Variants in JAKMIP1 observed in about 807,000 individuals in gnomAD.
JAKMIP1 encodes janus kinase and microtubule interacting protein 1.
In JAKMIP1, 33 loss-of-function variants were observed where a neutral mutation model predicts 113.0. The observed-to-expected ratio is 0.29, with a 90% confidence interval of 0.22 to 0.39. JAKMIP1 has a LOEUF of 0.39. Ranked by LOEUF, JAKMIP1 falls within the 10% of genes least tolerant of loss-of-function variation. The pLI is 1.00. For synonymous variants in JAKMIP1, 480 were observed against 459.9 expected (o/e 1.04, Z -0.56); for missense variants, 813 against 1,080.5 (o/e 0.75, Z 3.47).
Position 6,105,701 on chromosome 4 carries a change from C to T in JAKMIP1, c.396G>A (p.Leu132=). 6.2e-7 allele frequency: 1 copy of T among 1,603,620 alleles called. No homozygotes were observed. Among genetic ancestry groups the T allele is most frequent in the Non-Finnish European group, 8.5e-7 (1 of 1,178,108 alleles). The change falls in exon 3 of 21, where the codon CTG becomes CTA. Residue 132 remains leucine, a synonymous_variant. Transcript: ENST00000409021. ...GCGCCTCCTCGCGCGCCTCGGTCAG[C>T]AGCGCCGTCTTGACCTTGTCGGCCG... ...DGAADKVKTA[L]LTEAREEARR...
At chr4:6,119,319 G>A (rs996337316) in intron 1 of JAKMIP1, among the ~76,000 whole-genome samples, 2 of 151,900 alleles carry the variant, frequency 1.3e-5, no homozygotes, top group Admixed American at 6.6e-5. Context: ...CGAGGCAGGT[G>A]GATCACCTGA....
At position 6,155,916 on chromosome 4, in the gene JAKMIP1, G is replaced by A. The variant is rs1413930393; in HGVS notation, c.-147-42919C>T. The stretch of plus-strand genomic sequence containing the variant: ...CTTAAGTTTGCACATACATTTTTCT[G>A]TGCGGTAATGTGTGAGAACCGCTGC... On this transcript the variant is annotated intron_variant, in intron 1 of 20. Coordinates refer to ENST00000409021, the MANE Select transcript of JAKMIP1 (RefSeq NM_001099433.2). The surrounding 1 kb of genome is among the most constrained non-coding windows in gnomAD (Gnocchi z 6.1). 6.6e-6 allele frequency among the ~76,000 whole-genome samples: 1 copy of A among 152,104 alleles called. No homozygotes were observed. Among genetic ancestry groups the A allele is most frequent in the African/African-American group, 2.4e-5 (1 of 41,420 alleles).
chr4:6,192,845 G>C lies in JAKMIP1; in HGVS notation c.-148+7408C>G, dbSNP rs1403301796. Among the ~76,000 whole-genome samples, 2 of 152,186 alleles carry C rather than the reference G, an allele frequency of 1.3e-5. No individual in the cohort carries two copies. Among genetic ancestry groups the C allele is most frequent in the South Asian group, 4.1e-4 (2 of 4,828 alleles). ...AACCAGGGGCACAGCCGCTATCTGGGACAGTCAAAGACCTCCCCAAGGAGG... is the reference window on the plus strand; with the variant it reads ...AACCAGGGGCACAGCCGCTATCTGGCACAGTCAAAGACCTCCCCAAGGAGG... On this transcript the variant is annotated intron_variant, in intron 1 of 20. Coordinates refer to ENST00000409021, the MANE Select transcript of JAKMIP1 (RefSeq NM_001099433.2). The surrounding 1 kb of genome is among the most constrained non-coding windows in gnomAD (Gnocchi z 5.0).
At chr4:6,173,659 T>A (rs1300636474) in intron 1 of JAKMIP1, among the ~76,000 whole-genome samples, 2 of 152,258 alleles carry the variant, frequency 1.3e-5, no homozygotes, top group Non-Finnish European at 2.9e-5. Context: ...CCCATTTTTC[T>A]ATCTATAAGG....
intron 1 of JAKMIP1, among the ~76,000 whole-genome samples, chr4:6,146,636 A>G (rs1720888763): frequency 6.6e-6 from 1 of 152,182 alleles, no homozygotes; most frequent in Non-Finnish European, 1.5e-5. Flanking sequence ...TTGCATGACA[A>G]TGTGAATGTA....
chr4:6,148,204 T>C (rs531072937), intron 1 of JAKMIP1, among the ~76,000 whole-genome samples: 1 of 152,224 alleles, frequency 6.6e-6, no homozygotes, highest in Non-Finnish European at 1.5e-5. Context: ...CCAAGTTGAA[T>C]AGCAGCTGGA....
At position 6,136,037 on chromosome 4, in the gene JAKMIP1, G is replaced by A. The variant is rs2108947983; in HGVS notation, c.-147-23040C>T. ...AAGGTGGGTGGATCACTTGAGGTCA[G>A]GAGTTCAAGATCAGCCTGGCGAACA... On this transcript the variant is annotated intron_variant, in intron 1 of 20. Coordinates refer to ENST00000409021, the MANE Select transcript of JAKMIP1 (RefSeq NM_001099433.2). The surrounding 1 kb of genome is among the most constrained non-coding windows in gnomAD (Gnocchi z 5.9). Among the ~76,000 whole-genome samples the A allele has an allele frequency of 6.6e-6, 1 of 152,282 alleles. No individual in the cohort carries two copies. Among genetic ancestry groups the A allele is most frequent in the South Asian group, 2.1e-4 (1 of 4,810 alleles).
At chr4:6,063,989 A>G (rs1047968518) in intron 9 of JAKMIP1, among the ~76,000 whole-genome samples, 1 of 152,244 alleles carries the variant, frequency 6.6e-6, no homozygotes, top group Non-Finnish European at 1.5e-5. Flanking sequence ...CACTGCCCTG[A>G]GGGCCAGCTG....
intron 20 of JAKMIP1, among the ~76,000 whole-genome samples, chr4:6,027,104 C>T (rs573281188): frequency 6.6e-6 from 1 of 151,520 alleles, no homozygotes; most frequent in East Asian, 2.0e-4. Flanking sequence ...ACGGTCTTAA[C>T]GGGAGGAAAA....
In JAKMIP1 at chr4:6,081,758, G is replaced by A. The variant is rs769409296; in HGVS notation, c.955-3C>T. The A allele has an allele frequency of 5.6e-6, 9 of 1,614,052 alleles. No individual in the cohort carries two copies. The highest frequency in any genetic ancestry group is 5.0e-5 in the Admixed American group (3 of 60,002). ...TCGGTCTCTCGTGAGCGTTTCAGCT[G>A]TGGTTGGAAACAGACACAGAGGCTC... is the stretch of plus-strand genomic sequence containing the variant. On this transcript the variant is annotated splice_polypyrimidine_tract_variant and splice_region_variant and intron_variant, in intron 5 of 20. Coordinates refer to ENST00000409021, the MANE Select transcript of JAKMIP1 (RefSeq NM_001099433.2). This position sits in a 1 kb window ranked among gnomAD's most constrained non-coding sequence, Gnocchi z 4.6.
chr4:6,133,990 G>A (rs4516797), intron 1 of JAKMIP1, among the ~76,000 whole-genome samples: 58,426 of 152,024 alleles, frequency 0.38, 11,719 homozygotes, highest in East Asian at 0.57. Flanking sequence ...AATTAGAATG[G>A]ACTGATATGG....
rs145032061 is a variant in JAKMIP1, at chr4:6,074,315, G to A, written c.1302+4624C>T. On this transcript the variant is annotated intron_variant, in intron 8 of 20. Coordinates refer to ENST00000409021, the MANE Select transcript of JAKMIP1 (RefSeq NM_001099433.2). ...GGGAGTGGACTGGAGGCACCCTCCTGCAGGGAGTCCAGGGAGGTTTGCTAG... is the reference window on the plus strand; with the variant it reads ...GGGAGTGGACTGGAGGCACCCTCCTACAGGGAGTCCAGGGAGGTTTGCTAG... Among the ~76,000 whole-genome samples, 87 of 152,328 alleles carry A rather than the reference G, an allele frequency of 5.7e-4. 3 individuals are homozygous for A. The highest frequency in any genetic ancestry group is 1.9e-3 in the African/African-American group (79 of 41,582).
At chr4:6,109,085 G>A (rs778591036) in intron 2 of JAKMIP1, among the ~76,000 whole-genome samples, 1 of 151,034 alleles carries the variant, frequency 6.6e-6, no homozygotes, top group Non-Finnish European at 1.5e-5. Context: ...GCTGGGTCTA[G>A]CGCTGGGGTA....
chr4:6,062,498 T>C, intron 9 of JAKMIP1, 58 bp from the exon 10 acceptor site: 1 of 1,538,658 alleles, frequency 6.5e-7, no homozygotes, highest in Non-Finnish European at 8.9e-7. Context: ...TAATAAATGA[T>C]TTATGATTGA....
chr4:6,098,552 AAG>A (rs1553831551), intron 3 of JAKMIP1, among the ~76,000 whole-genome samples: 65 of 32,676 alleles, frequency 2.0e-3, no homozygotes, highest in South Asian at 6.0e-3. Context: ...AAGAAAAAGA[AAG>A]AAAGAAAGAA....
chr4:6,098,397 C>A (rs1194759754), intron 3 of JAKMIP1, among the ~76,000 whole-genome samples: 1 of 151,314 alleles, frequency 6.6e-6, no homozygotes, highest in African/African-American at 2.4e-5. Context: ...CACAGCATTG[C>A]ACTTCAGCCT....
intron 1 of JAKMIP1, among the ~76,000 whole-genome samples, chr4:6,190,264 T>C (rs1044389930): frequency 1.3e-5 from 2 of 152,182 alleles, no homozygotes; most frequent in African/African-American, 4.8e-5. Context: ...ATATAGATCA[T>C]AAGATGGTTA....
chr4:6,040,460 T>C lies in JAKMIP1; in HGVS notation c.2175+179A>G, dbSNP rs1714167669. Among the ~76,000 whole-genome samples the C allele has an allele frequency of 6.6e-6, 1 of 152,200 alleles. No homozygotes were observed. Among genetic ancestry groups the C allele is most frequent in the South Asian group, 2.1e-4 (1 of 4,828 alleles). On this transcript the variant is annotated intron_variant, in intron 18 of 20. Transcript: ENST00000409021. The surrounding 1 kb of genome is among the most constrained non-coding windows in gnomAD (Gnocchi z 5.8). ...CTTTGAATATTTTTGAAAATCACGA[T>C]TGATTTGGAAAAAGGGACAGTCTGT...
At position 6,031,573 on chromosome 4, in the gene JAKMIP1, TGGGGGGTC is replaced by T. The variant is rs1029622538; in HGVS notation, c.2380-1800_2380-1793del. ...GTGCAGGAGGCCAAGAGGCCTTTGGTGGGGGGTCGGGGACAGAGCTCAGAGGGTCTGGA... is the reference window on the plus strand; with the variant it reads ...GTGCAGGAGGCCAAGAGGCCTTTGGTGGGGACAGAGCTCAGAGGGTCTGGA... On this transcript the variant is annotated intron_variant, in intron 19 of 20. Coordinates refer to ENST00000409021, the MANE Select transcript of JAKMIP1 (RefSeq NM_001099433.2). This position sits in a 1 kb window ranked among gnomAD's most constrained non-coding sequence, Gnocchi z 4.4. Among the ~76,000 whole-genome samples the T allele has an allele frequency of 3.3e-5, 5 of 151,560 alleles. No homozygotes were observed. Among genetic ancestry groups the T allele is most frequent in the Non-Finnish European group, 5.9e-5 (4 of 67,862 alleles).
Sources: gnomAD v4.1 joint callset for allele counts (sites outside exome capture counted in the v4.1 genomes callset) on GRCh38, gnomAD v4.1.1 for gene constraint, Gnocchi (gnomAD v3.1) non-coding constraint, MANE v1.5 for transcripts, NCBI Gene and HGNC (gene_info 2026-07-23, HGNC 2026-07-21) for gene names.